Variants in CSTF3 observed in about 807,000 individuals in gnomAD.
The protein encoded by CSTF3 is CF-1 77 kDa subunit.
A neutral mutation model predicts 105.8 loss-of-function variants in CSTF3; 29 were observed. The observed-to-expected ratio is 0.27, with a 90% CI of 0.20 to 0.37. CSTF3 has a LOEUF of 0.37. Ranked by LOEUF, CSTF3 falls within the 10% of genes least tolerant of loss-of-function variation. The pLI, the probability that CSTF3 is intolerant of heterozygous loss-of-function variation, is 1.00. For missense variants in CSTF3, 357 were observed against 879.3 expected (o/e 0.41, Z 7.51); for synonymous variants, 252 against 281.9 (o/e 0.89, Z 1.06).
chr11:33,155,965 T>TAAA (rs1849860641), intron 1 of CSTF3, among the ~76,000 whole-genome samples: 1 of 152,222 alleles, frequency 6.6e-6, no homozygotes, highest in African/African-American at 2.4e-5. Context: ...ATCTGGGATG[T>TAAA]AAATGCCTAC....
chr11:33,108,463 A>G (rs986698006), intron 3 of CSTF3, 45 bp from the exon 4 acceptor site: 20 of 1,354,826 alleles, frequency 1.5e-5, no homozygotes, highest in Non-Finnish European at 1.8e-5. Context: ...ATTTTTTTAG[A>G]GCATCAGTCT....
chr11:33,129,796 A>G (rs1402516511), intron 3 of CSTF3, among the ~76,000 whole-genome samples: 1 of 152,226 alleles, frequency 6.6e-6, no homozygotes, highest in East Asian at 1.9e-4. Context: ...TGAATACACT[A>G]AAGTAAAATT....
At chr11:33,104,974 A>G (rs933423649) in intron 8 of CSTF3, among the ~76,000 whole-genome samples, 1 of 152,032 alleles carries the variant, frequency 6.6e-6, no homozygotes, top group African/African-American at 2.4e-5. Flanking sequence ...GTCTCAAACT[A>G]CTGGGCTCAG....
In CSTF3 at chr11:33,085,423, TAAAGAA is replaced by T. The variant is rs1286010376; in HGVS notation, c.1952-140_1952-135del. ...GATAGTACTACTGATACTAAATAAT[TAAAGAA>T]AAAGACAAAAGCTGCTGTTAAAACT... On this transcript the variant is annotated intron_variant, in intron 20 of 20. Transcript: ENST00000323959. 12 of 765,576 alleles carry T rather than the reference TAAAGAA, an allele frequency of 1.6e-5. No individual in the cohort carries two copies. In the East Asian group the frequency reaches 2.0e-4, roughly 13 times the overall value. The allele number at this position is 765,576 out of a possible 1,614,324, so 47.4% of individuals were successfully genotyped here.
intron 1 of CSTF3, among the ~76,000 whole-genome samples, chr11:33,146,252 G>GA (rs140504028): frequency 0.038 from 5,682 of 151,500 alleles, 114 homozygotes; most frequent in South Asian, 0.065. Flanking sequence ...CAAAAAAAAA[G>GA]AAAAAAAGAA....
At chr11:33,139,439 CTT>C (rs1490486365) in intron 3 of CSTF3, among the ~76,000 whole-genome samples, 1 of 151,876 alleles carries the variant, frequency 6.6e-6, no homozygotes, top group Non-Finnish European at 1.5e-5. Context: ...CTTATTATCA[CTT>C]CGGATTTTTA....
At chr11:33,121,868 A>G (rs1317731584) in intron 3 of CSTF3, among the ~76,000 whole-genome samples, 4 of 152,218 alleles carry the variant, frequency 2.6e-5, no homozygotes, top group Non-Finnish European at 5.9e-5. Flanking sequence ...ATAACAGGTC[A>G]GTAGAGATAT....
At chr11:33,155,300 C>A (rs1050929075) in intron 1 of CSTF3, among the ~76,000 whole-genome samples, 1 of 151,176 alleles carries the variant, frequency 6.6e-6, no homozygotes, top group Non-Finnish European at 1.5e-5. Context: ...GGAAGCGGAG[C>A]TTGCAGCGAG....
At chr11:33,149,474 G>A (rs1414453880) in intron 1 of CSTF3, among the ~76,000 whole-genome samples, 1 of 152,144 alleles carries the variant, frequency 6.6e-6, no homozygotes, top group African/African-American at 2.4e-5. Context: ...TTTGTTTTCT[G>A]GCCTGGTTAC....
intron 3 of CSTF3, among the ~76,000 whole-genome samples, chr11:33,112,574 T>G (rs117247924): frequency 0.019 from 2,844 of 152,314 alleles, 40 homozygotes; most frequent in Non-Finnish European, 0.028. Flanking sequence ...GGTGTTACTA[T>G]AATTGGCCCA....
At chr11:33,146,329 G>A (rs631165) in intron 1 of CSTF3, among the ~76,000 whole-genome samples, 13 of 152,078 alleles carry the variant, frequency 8.5e-5, no homozygotes, top group Non-Finnish European at 1.8e-4. Flanking sequence ...TACTGCACAT[G>A]TACACAAAGA....
chr11:33,109,300 G>A (rs1272257835), intron 3 of CSTF3, among the ~76,000 whole-genome samples: 1 of 152,238 alleles, frequency 6.6e-6, no homozygotes, highest in East Asian at 1.9e-4. Flanking sequence ...TGGCTGATTA[G>A]AGAAGTTTTG....
intron 3 of CSTF3, among the ~76,000 whole-genome samples, chr11:33,112,248 CTG>C (rs1855386846): frequency 6.7e-6 from 1 of 149,812 alleles, no homozygotes; most frequent in Non-Finnish European, 1.5e-5. Context: ...GAGCGAAACT[CTG>C]TGTGGAAAAA....
At position 33,087,060 on chromosome 11, in the gene CSTF3, C is replaced by A; in HGVS notation, c.1723G>T (p.Val575Leu). The change falls in exon 18 of 21, where the codon GTG becomes TTG. Residue 575 changes from valine (V) to leucine (L), a missense_variant. Val to Leu is a conservative substitution (Grantham distance 32, BLOSUM62 1). Coordinates refer to ENST00000323959, the MANE Select transcript of CSTF3 (RefSeq NM_001326.3). ...PSIVPVLKDE[V>L]DRKPEYPKPD... ...TTAGGGTATTCTGGTTTTCTATCCA[C>A]TTCATCTTTCAGAACAGGCACTATA... 6.2e-7 allele frequency: 1 copy of A among 1,614,146 alleles called. No individual in the cohort carries two copies.
chr11:33,085,435 C>CA (rs1279235864), intron 20 of CSTF3, 146 bp from the exon 21 acceptor site: 5 of 723,482 alleles, frequency 6.9e-6, no homozygotes, highest in Non-Finnish European at 1.1e-5. Flanking sequence ...AAGAAAAAGA[C>CA]AAAAGCTGCT....
intron 3 of CSTF3, among the ~76,000 whole-genome samples, chr11:33,118,388 CTACTT>C (rs1855455130): frequency 1.3e-5 from 2 of 151,894 alleles, no homozygotes; most frequent in South Asian, 2.1e-4. Flanking sequence ...TAGACTCAGC[CTACTT>C]TACTTAATAA....
At chr11:33,157,936 T>C (rs1016023612) in intron 1 of CSTF3, among the ~76,000 whole-genome samples, 2 of 152,218 alleles carry the variant, frequency 1.3e-5, no homozygotes, top group African/African-American at 4.8e-5. Flanking sequence ...TTGGATACTC[T>C]CTTTTCCTCC....
intron 13 of CSTF3, among the ~76,000 whole-genome samples, chr11:33,098,044 T>G (rs117329199): frequency 0.032 from 4,857 of 152,270 alleles, 97 homozygotes; most frequent in South Asian, 0.065. Flanking sequence ...TATAAGATGA[T>G]GAATAAATGT....
At chr11:33,095,819 C>CAAAAAAAATAAAT (rs71034651) in intron 15 of CSTF3, among the ~76,000 whole-genome samples, 1 of 146,042 alleles carries the variant, frequency 6.8e-6, no homozygotes, top group Non-Finnish European at 1.5e-5. Context: ...GACTCTGTCT[C>CAAAAAAAATAAAT]AAATAAATAA....
Sources: allele counts gnomAD v4.1 joint callset (sites outside exome capture counted in the v4.1 genomes callset), GRCh38; gene constraint gnomAD v4.1.1; transcripts MANE v1.5; gene names NCBI Gene and HGNC (gene_info 2026-07-23, HGNC 2026-07-21).